The following CMKLR1 variants were observed in gnomAD, a reference collection of about 807,000 sequenced individuals.
CMKLR1 encodes chemerin chemokine-like receptor 1.
CMKLR1 carries 6 observed loss-of-function variants against 8.2 expected under a neutral mutation model. The ratio of observed to expected loss-of-function variants is 0.73; its 90% CI spans 0.40 to 1.44. The LOEUF (loss-of-function observed/expected upper bound fraction) is 1.44. CMKLR1 is among the 40% of genes most tolerant of loss of function. The pLI is 0.02. For synonymous variants in CMKLR1, 178 were observed against 181.2 expected (o/e 0.98, Z 0.14); for missense variants, 429 against 478.0 (o/e 0.90, Z 0.96).
chr12:108,315,280 CCTAT>C (rs1891693004), intron 2 of CMKLR1, among the ~76,000 whole-genome samples: 1 of 152,162 alleles, frequency 6.6e-6, no homozygotes, highest in African/African-American at 2.4e-5. Flanking sequence ...CTTATACTCA[CCTAT>C]CTGTGAACAT....
chr12:108,302,084 GA>G (rs1891291305), intron 2 of CMKLR1, among the ~76,000 whole-genome samples: 1 of 152,172 alleles, frequency 6.6e-6, no homozygotes, highest in South Asian at 2.1e-4. Flanking sequence ...ACCCTGACAG[GA>G]CAATGGGCAA....
In CMKLR1 at chr12:108,292,438, G is replaced by A. The variant is rs376393085; in HGVS notation, c.525C>T (p.Leu175=). Residue 175 remains leucine, a synonymous_variant, in exon 4 of 4, where the codon CTC becomes CTT. Transcript: ENST00000550402. ...VLAFFLSSPS[L]VFRDTANLHG... is the part of the protein sequence containing the mutation. The stretch of plus-strand genomic sequence containing the variant: ...GCAGGTTGGCTGTGTCCCGGAAGAC[G>A]AGAGATGGGGAACTCAAGAAGAAAG... 8.1e-5 allele frequency: 131 copies of A among 1,614,060 alleles called. No homozygotes were observed. The highest frequency in any genetic ancestry group is 9.3e-5 in the Non-Finnish European group (110 of 1,180,042).
Position 108,297,282 on chromosome 12 carries a change from TTTTC to T in CMKLR1, c.-73-3622_-73-3619del, listed in dbSNP as rs1352056169. Among the ~76,000 whole-genome samples the T allele has an allele frequency of 7.2e-5, 11 of 152,330 alleles. No homozygotes were observed. In the South Asian group the frequency reaches 2.1e-3, roughly 29 times the overall value. On this transcript the variant is annotated intron_variant, in intron 2 of 3. Coordinates refer to ENST00000550402, the MANE Select transcript of CMKLR1 (RefSeq NM_001142343.2). Reference sequence around the variant, plus strand: ...CTTCCTTATGATTTTCTTAATAACATTTTCTTTTTCTCTAGCTTACTTGATTGTA... The same window carrying T: ...CTTCCTTATGATTTTCTTAATAACATTTTTTCTCTAGCTTACTTGATTGTA...
In CMKLR1 at chr12:108,291,875, G is replaced by A. The variant is rs373997559; in HGVS notation, c.1088C>T (p.Thr363Ile). The A allele has an allele frequency of 6.2e-6, 10 of 1,613,908 alleles. No individual in the cohort carries two copies. The African/African-American group carries it at 1.1e-4, about 17-fold the overall frequency. The change falls in exon 4 of 4, where the codon ACT becomes ATT. Residue 363 changes from threonine (T) to isoleucine (I), a missense_variant. Physicochemically the swap from Thr to Ile is moderately conservative, Grantham distance 89. Transcript: ENST00000550402. ...GCCGGTCTCCCTCTCATTCATAGAAGTCCTCTCATTCATTGATGACATCTT... is the reference window on the plus strand; with the variant it reads ...GCCGGTCTCCCTCTCATTCATAGAAATCCTCTCATTCATTGATGACATCTT... Reference protein sequence around the residue: ...FTKMSSMNERTSMNERETGML With the variant: ...FTKMSSMNERISMNERETGML
intron 2 of CMKLR1, among the ~76,000 whole-genome samples, chr12:108,306,922 C>A (rs1891422549): frequency 6.6e-6 from 1 of 152,234 alleles, no homozygotes; most frequent in African/African-American, 2.4e-5. Flanking sequence ...TGATGGACAT[C>A]TGTCCTTCCA....
At position 108,306,177 on chromosome 12, in the gene CMKLR1, G is replaced by T. The variant is rs571727748; in HGVS notation, c.-73-12513C>A. 8.5e-5 allele frequency among the ~76,000 whole-genome samples: 13 copies of T among 152,310 alleles called. No individual in the cohort carries two copies. The South Asian group carries it at 2.3e-3, about 27-fold the overall frequency. On this transcript the variant is annotated intron_variant, in intron 2 of 3. Coordinates refer to ENST00000550402, the MANE Select transcript of CMKLR1 (RefSeq NM_001142343.2). ...TGATCCACAACTGCAGGCGTGGAGC[G>T]TGCGGTTGGGTACAAACCCTCCAGC...
chr12:108,292,275 G>C lies in CMKLR1; in HGVS notation c.688C>G (p.Leu230Val). The stretch of plus-strand genomic sequence containing the variant: ...GCTGTGATGATGAGGACTGGGACCA[G>C]GAAGCCACAGAGGAAGCGGGTGACA... ...VTVTRFLCGF[L>V]VPVLIITACY... The change falls in exon 4 of 4, where the codon CTG (leucine) becomes GTG (valine). Residue 230 changes from leucine to valine, a missense_variant. Physicochemically the swap from Leu to Val is conservative, Grantham distance 32. Transcript: ENST00000550402. 6.2e-7 allele frequency: 1 copy of C among 1,614,184 alleles called. No individual in the cohort carries two copies. The highest frequency in any genetic ancestry group is 8.5e-7 in the Non-Finnish European group (1 of 1,180,030).
At chr12:108,312,473 G>C (rs1046590186) in intron 2 of CMKLR1, among the ~76,000 whole-genome samples, 3 of 152,188 alleles carry the variant, frequency 2.0e-5, no homozygotes, top group Non-Finnish European at 2.9e-5. Flanking sequence ...TATGGGGTGA[G>C]AGGAACCAAA....
At chr12:108,303,979 C>T (rs1891343269) in intron 2 of CMKLR1, among the ~76,000 whole-genome samples, 1 of 152,236 alleles carries the variant, frequency 6.6e-6, no homozygotes, top group Non-Finnish European at 1.5e-5. Context: ...TTTCTCTCTG[C>T]AGCCTCCCCC....
At position 108,293,690 on chromosome 12, in the gene CMKLR1, A is replaced by G. The variant is rs1417302280; in HGVS notation, c.-73-26T>C. On this transcript the variant is annotated intron_variant, in intron 2 of 3. Coordinates refer to ENST00000550402, the MANE Select transcript of CMKLR1 (RefSeq NM_001142343.2). ...CTGTAGGGAAAAAAAAAAAAAAAAA[A>G]GCAGCAATTGGATCCAGGTCTAAGA... 33 of 1,182,126 alleles carry G rather than the reference A, an allele frequency of 2.8e-5. No homozygotes were observed. The East Asian group carries it at 6.1e-4, about 22-fold the overall frequency. 73.2% of individuals were successfully genotyped at this position (1,182,126 alleles called of 1,614,324 possible). A position where few individuals can be genotyped will look rare whatever the true frequency, so the allele number is the denominator to read the frequency against.
intron 2 of CMKLR1, among the ~76,000 whole-genome samples, chr12:108,301,977 C>T (rs542343703): frequency 4.6e-5 from 7 of 152,264 alleles, no homozygotes; most frequent in African/African-American, 1.7e-4. Context: ...ACACTTCCTG[C>T]CTCCAACGGA....
intron 2 of CMKLR1, among the ~76,000 whole-genome samples, chr12:108,296,112 C>G (rs765443107): frequency 6.6e-6 from 1 of 152,174 alleles, no homozygotes; most frequent in Non-Finnish European, 1.5e-5. Flanking sequence ...TCTGTCCTAA[C>G]ACACATCCCT....
chr12:108,325,356 C>G (rs185237578), intron 2 of CMKLR1, among the ~76,000 whole-genome samples: 1 of 152,152 alleles, frequency 6.6e-6, no homozygotes. Flanking sequence ...AAATCCACAT[C>G]GTGGCTGGGG....
rs1891054721 is a variant in CMKLR1 at position 108,293,677 on chromosome 12, A to G, written c.-73-13T>C. 91 of 1,294,290 alleles carry G rather than the reference A, an allele frequency of 7.0e-5. No individual in the cohort carries two copies. The highest frequency in any genetic ancestry group is 1.9e-4 in the Middle Eastern group (1 of 5,252). 80.2% of individuals were successfully genotyped at this position (1,294,290 alleles called of 1,614,324 possible). On this transcript the variant is annotated splice_polypyrimidine_tract_variant and intron_variant, in intron 2 of 3. Coordinates refer to ENST00000550402, the MANE Select transcript of CMKLR1 (RefSeq NM_001142343.2). ...CAGCTAGAAACACCTGTAGGGAAAA[A>G]AAAAAAAAAAAAAGCAGCAATTGGA... is the stretch of plus-strand genomic sequence containing the variant.
chr12:108,338,123 T>G lies in CMKLR1; in HGVS notation c.-287+904A>C, dbSNP rs898757985. Among the ~76,000 whole-genome samples the G allele has an allele frequency of 2.0e-5, 3 of 152,204 alleles. 1 individual carries two copies. In the South Asian group the frequency reaches 6.2e-4, roughly 31 times the overall value. ...ATATCAAGTAGTAGTTCCCTGATGT[T>G]GTAATGCTTATAATTTTGCCAAAGC... On this transcript the variant is annotated intron_variant, in intron 1 of 3. Transcript: ENST00000550402.
rs1890942576 is a variant in CMKLR1 at position 108,290,775 on chromosome 12, C to A, written c.*1066G>T. 1 of 152,244 alleles carries A rather than the reference C, an allele frequency of 6.6e-6. No homozygotes were observed. The highest frequency in any genetic ancestry group is 1.5e-5 in the Non-Finnish European group (1 of 68,054). The allele number at this position is 152,244 out of a possible 1,614,324, so 9.4% of individuals were successfully genotyped here. Reference sequence around the variant, plus strand: ...AGGAGTCCAGCTCCAGACTCTGTCTCAAGTGACTGAGTCCTCGGACATACT... The same window carrying A: ...AGGAGTCCAGCTCCAGACTCTGTCTAAAGTGACTGAGTCCTCGGACATACT... On this transcript the variant is annotated 3_prime_UTR_variant, in exon 4 of 4. Coordinates refer to ENST00000550402, the MANE Select transcript of CMKLR1 (RefSeq NM_001142343.2).
chr12:108,298,427 C>T (rs979305548), intron 2 of CMKLR1, among the ~76,000 whole-genome samples: 7 of 152,220 alleles, frequency 4.6e-5, no homozygotes, highest in African/African-American at 1.7e-4. Flanking sequence ...AGATCCACAT[C>T]TGGGTTTGCT....
chr12:108,295,486 C>A (rs1266780446), intron 2 of CMKLR1, among the ~76,000 whole-genome samples: 3 of 152,208 alleles, frequency 2.0e-5, no homozygotes, highest in Non-Finnish European at 4.4e-5. Flanking sequence ...TACTAGGGTC[C>A]CTTCCCAAAA....
At chr12:108,299,300 A>T (rs1184521023) in intron 2 of CMKLR1, among the ~76,000 whole-genome samples, 1 of 152,216 alleles carries the variant, frequency 6.6e-6, no homozygotes, top group Non-Finnish European at 1.5e-5. Context: ...GGAACAACTG[A>T]AACTTCTCTT....
Sources: gnomAD v4.1 joint callset for allele counts (sites outside exome capture counted in the v4.1 genomes callset) on GRCh38, gnomAD v4.1.1 for gene constraint, MANE v1.5 for transcripts, NCBI Gene and HGNC (gene_info 2026-07-23, HGNC 2026-07-21) for gene names.